MED13: variants seen among roughly 807,000 people sequenced by gnomAD.
MED13 encodes mediator complex subunit 13, also known as mediator of RNA polymerase II transcription subunit 13.
A neutral mutation model predicts 225.2 loss-of-function variants in MED13; 23 were observed. The observed-to-expected ratio is 0.10, with a 90% CI of 0.07 to 0.14. MED13 has a LOEUF of 0.14. Among genes scored for constraint, MED13 ranks in the 10% least tolerant of loss-of-function variants. The pLI is 1.00. For missense variants in MED13, 2,197 were observed against 2,594.5 expected, an observed-to-expected ratio of 0.85 and a Z score of 3.33; for synonymous variants, 942 against 889.2, an observed-to-expected ratio of 1.06 and a Z score of -1.06.
intron 8 of MED13, among the ~76,000 whole-genome samples, chr17:62,019,260 C>T (rs190893674): frequency 2.6e-5 from 4 of 152,258 alleles, no homozygotes; most frequent in East Asian, 1.9e-4. Context: ...AACTGTAAAA[C>T]AATGCCACTC....
chr17:61,965,528 A>G, intron 19 of MED13, 60 bp from the exon 20 acceptor site: 1 of 1,449,314 alleles, frequency 6.9e-7, no homozygotes. Flanking sequence ...GTTTTTTTAA[A>G]TTCTACTGTG....
intron 5 of MED13, chr17:62,032,587 A>C (rs2080767417): frequency 6.6e-6 from 1 of 152,076 alleles, no homozygotes; most frequent in Non-Finnish European, 1.5e-5. Flanking sequence ...TTATCTCCTA[A>C]ATTATACTTT....
chr17:61,984,126 A>C (rs759451409), intron 15 of MED13, 45 bp downstream of exon 15: 90 of 1,292,922 alleles, frequency 7.0e-5, no homozygotes, highest in Non-Finnish European at 8.2e-5. Context: ...AAAAAATTAA[A>C]GCTGTATAAG....
Position 61,965,363 on chromosome 17 carries a change from G to C in MED13, c.4487C>G (p.Thr1496Ser), listed in dbSNP as rs372544255. Residue 1496 changes from threonine (T) to serine (S), a missense_variant, in exon 20 of 30, where the codon ACT becomes AGT. Physicochemically the swap from Thr to Ser is moderately conservative, Grantham distance 58 (BLOSUM62 1). This residue lies in a region of MED13 where 457 missense variants were observed against 442.2 expected (regional missense o/e 1.03). Coordinates refer to ENST00000397786, the MANE Select transcript of MED13 (RefSeq NM_005121.3). ...GGCAGATGGAGTATTAGCATTTCCA[G>C]TATTTGTCATCTGAGGTGGAGTAAT... ...SLITPPQMTN[T>S]GNANTPSATL... 8 of 1,614,212 alleles carry C rather than the reference G, an allele frequency of 5.0e-6. No individual in the cohort carries two copies. In the East Asian group the frequency reaches 1.8e-4, roughly 36 times the overall value.
chr17:61,983,440 C>T (rs1280729740), intron 15 of MED13, among the ~76,000 whole-genome samples: 1 of 152,006 alleles, frequency 6.6e-6, no homozygotes, highest in Non-Finnish European at 1.5e-5. Context: ...TTCTAAGATG[C>T]TACTGACTAT....
At chr17:62,062,401 G>C (rs959832229) in intron 2 of MED13, among the ~76,000 whole-genome samples, 4 of 152,142 alleles carry the variant, frequency 2.6e-5, no homozygotes, top group African/African-American at 9.7e-5. Context: ...AAAATTGTTT[G>C]TGTAACCTTT....
At chr17:62,026,340 C>CT (rs2080701857) in intron 8 of MED13, among the ~76,000 whole-genome samples, 1 of 152,064 alleles carries the variant, frequency 6.6e-6, no homozygotes, top group Non-Finnish European at 1.5e-5. Flanking sequence ...TTTTGTCATG[C>CT]TTTGAGTTTT....
At chr17:62,042,455 G>A (rs1283099894) in intron 3 of MED13, among the ~76,000 whole-genome samples, 1 of 151,226 alleles carries the variant, frequency 6.6e-6, no homozygotes, top group African/African-American at 2.4e-5. Context: ...CCAGCTACTC[G>A]GGAGGCTGAG....
chr17:61,965,498 A>G, intron 19 of MED13, 30 bp from the exon 20 acceptor site: 4 of 1,566,358 alleles, frequency 2.6e-6, no homozygotes, highest in Non-Finnish European at 3.5e-6. Flanking sequence ...ACGAAATTTA[A>G]TTCTTTATTT....
intron 16 of MED13, among the ~76,000 whole-genome samples, chr17:61,978,043 A>T (rs905043888): frequency 2.0e-5 from 3 of 152,196 alleles, no homozygotes; most frequent in African/African-American, 7.2e-5. Context: ...TATTTGGCAA[A>T]TAAGTTGGTT....
chr17:61,950,246 AT>A (rs1567936750), intron 28 of MED13, among the ~76,000 whole-genome samples: 1 of 152,164 alleles, frequency 6.6e-6, no homozygotes, highest in East Asian at 1.9e-4. Context: ...AGCATCTCCA[AT>A]TTGAAAAAAT....
intron 2 of MED13, among the ~76,000 whole-genome samples, chr17:62,062,096 C>G (rs979953679): frequency 7.2e-5 from 11 of 152,122 alleles, no homozygotes; most frequent in African/African-American, 2.4e-4. Flanking sequence ...GTCAGAGATA[C>G]AATAACAAAA....
intron 3 of MED13, among the ~76,000 whole-genome samples, chr17:62,048,043 C>CATATATATATATATATATATATATATAT (rs397803988): frequency 7.6e-6 from 1 of 131,168 alleles, no homozygotes; most frequent in African/African-American, 2.8e-5. Flanking sequence ...TATACATATA[C>CATATATATATATATATATATATATATAT]ATATATATAT....
At chr17:61,964,607 G>A (rs2080037577) in intron 20 of MED13, among the ~76,000 whole-genome samples, 1 of 151,962 alleles carries the variant, frequency 6.6e-6, no homozygotes, top group South Asian at 2.1e-4. Context: ...AGATAAAAAA[G>A]CACTTTATGC....
Position 61,943,028 on chromosome 17 carries a change from T to G in MED13, c.*3440A>C, listed in dbSNP as rs1197088315. ...TAGGTCCCAAATCCAGTTTTTAAAT[T>G]TATACTCCACAAAAAAGAAAATACA... On this transcript the variant is annotated 3_prime_UTR_variant, in exon 30 of 30. Transcript: ENST00000397786. The G allele has an allele frequency of 6.6e-6, 1 of 152,482 alleles. No individual in the cohort carries two copies. Among genetic ancestry groups the G allele is most frequent in the Non-Finnish European group, 1.5e-5 (1 of 67,986 alleles). The allele number at this position is 152,482 out of a possible 1,614,324, so 9.4% of individuals were successfully genotyped here.
Position 62,010,590 on chromosome 17 carries a change from C to T in MED13, c.1927G>A (p.Val643Ile), listed in dbSNP as rs760291129. 11 of 1,477,436 alleles carry T rather than the reference C, an allele frequency of 7.4e-6. No individual in the cohort carries two copies. Among genetic ancestry groups the T allele is most frequent in the Non-Finnish European group, 9.9e-6 (11 of 1,112,280 alleles). 91.5% of individuals were successfully genotyped at this position (1,477,436 alleles called of 1,614,324 possible). The part of the protein sequence containing the change: ...LPSDKFKDDP[V>I]GPFGQESVTS... ...ACACTTTCCTGTCCAAAAGGTCCAACTGGATCATCCTTGAATTTATCACTT... is the reference window on the plus strand; with the variant it reads ...ACACTTTCCTGTCCAAAAGGTCCAATTGGATCATCCTTGAATTTATCACTT... Residue 643 changes from valine to isoleucine, a missense_variant, in exon 9 of 30, where the codon GTT (valine) becomes ATT (isoleucine). By Grantham distance (29) the Val-to-Ile change is conservative (BLOSUM62 3). Coordinates refer to ENST00000397786, the MANE Select transcript of MED13 (RefSeq NM_005121.3).
intron 16 of MED13, among the ~76,000 whole-genome samples, chr17:61,974,945 G>A (rs1456486325): frequency 6.6e-6 from 1 of 152,108 alleles, no homozygotes; most frequent in African/African-American, 2.4e-5. Flanking sequence ...AAATGTTTGT[G>A]CTTCAAAGAA....
intron 2 of MED13, among the ~76,000 whole-genome samples, chr17:62,053,953 T>A (rs1235931068): frequency 6.6e-6 from 1 of 152,194 alleles, no homozygotes; most frequent in Non-Finnish European, 1.5e-5. Flanking sequence ...GGTTTTATAT[T>A]TTCTCCTAAA....
At chr17:62,019,225 C>T (rs1460513447) in intron 8 of MED13, among the ~76,000 whole-genome samples, 2 of 152,216 alleles carry the variant, frequency 1.3e-5, no homozygotes, top group East Asian at 1.9e-4. Context: ...TATCTTACTA[C>T]ACTCAATATT....
Sources: allele counts gnomAD v4.1 joint callset (sites outside exome capture counted in the v4.1 genomes callset), GRCh38; gene constraint gnomAD v4.1.1; regional missense constraint gnomAD v4.1.1; transcripts MANE v1.5; gene names NCBI Gene and HGNC (gene_info 2026-07-23, HGNC 2026-07-21).